The following VWA7 variants were observed in gnomAD, a reference collection of about 807,000 sequenced individuals.
The protein encoded by VWA7 is von Willebrand factor A domain-containing protein 7.
In VWA7, 66 loss-of-function variants were observed where a neutral mutation model predicts 83.1. That is an observed-to-expected ratio of 0.79 (90% CI 0.65 to 0.98). VWA7 has a LOEUF of 0.98. Ranked by LOEUF, VWA7 falls within the 50% of genes least tolerant of loss-of-function variation. VWA7 has a pLI of 0.00. For missense variants in VWA7, 1,080 were observed against 1,160.2 expected (o/e 0.93, Z 1.00); for synonymous variants, 424 against 488.5 (o/e 0.87, Z 1.74).
chr6:31,769,269 C>T lies in VWA7; in HGVS notation c.1318-66G>A, dbSNP rs1422435307. 4.5e-6 allele frequency: 7 copies of T among 1,541,994 alleles called. No individual in the cohort carries two copies. The highest frequency in any genetic ancestry group is 1.8e-5 in the Admixed American group (1 of 55,072). On this transcript the variant is annotated intron_variant, in intron 9 of 16. Transcript: ENST00000375688. This position sits in a 1 kb window ranked among gnomAD's most constrained non-coding sequence, Gnocchi z 4.5. ...GCCATCCACTATTATGAATGAGAAT[C>T]CCTGTGCTCAAGCTTTCTCCAGAGC...
chr6:31,766,214 C>T lies in VWA7; in HGVS notation c.2324+31G>A. The T allele has an allele frequency of 6.2e-7, 1 of 1,608,316 alleles. No homozygotes were observed. Among genetic ancestry groups the T allele is most frequent in the South Asian group, 1.1e-5 (1 of 90,672 alleles). On this transcript the variant is annotated intron_variant, in intron 15 of 16. Transcript: ENST00000375688. The surrounding 1 kb of genome is among the most constrained non-coding windows in gnomAD (Gnocchi z 4.9). Reference sequence around the variant, plus strand: ...GATAAGCATTGGCCGGGCAAGATGCCAGAGGGAGCTGGAGGGTTCATGAGC... The same window carrying T: ...GATAAGCATTGGCCGGGCAAGATGCTAGAGGGAGCTGGAGGGTTCATGAGC...
Position 31,765,687 on chromosome 6 carries a change from A to G in VWA7, c.2583T>C (p.Thr861=), listed in dbSNP as rs1168239332. The G allele has an allele frequency of 6.2e-7, 1 of 1,602,096 alleles. No homozygotes were observed. The highest frequency in any genetic ancestry group is 8.5e-7 in the Non-Finnish European group (1 of 1,174,622). ...CCAGCCCTGCCCCAGCCCTGCCTTG[A>G]GTCACCAATGTGAAGGGGGAAAAGG... ...TPAFSPFTLV[T]QGRAGAGLAA... The change falls in exon 17 of 17, where the codon ACT becomes ACC. Residue 861 remains threonine (T), a synonymous_variant. Transcript: ENST00000375688.
rs1243322462 is a variant in VWA7, at chr6:31,766,325, G to A, written c.2244C>T (p.Ile748=). 2.5e-6 allele frequency: 4 copies of A among 1,611,026 alleles called. No homozygotes were observed. Among genetic ancestry groups the A allele is most frequent in the Non-Finnish European group, 1.7e-6 (2 of 1,179,324 alleles). ...GATCCTGAGGGCCCGAGAAGCTGGCGATGCGGAGACTGAGCGGGACTTTGC... is the reference window on the plus strand; with the variant it reads ...GATCCTGAGGGCCCGAGAAGCTGGCAATGCGGAGACTGAGCGGGACTTTGC... ...PGSKVPLSLR[I]ASFSGPQDLD... The change falls in exon 15 of 17, where the codon ATC becomes ATT. Residue 748 remains isoleucine, a synonymous_variant. Coordinates refer to ENST00000375688, the MANE Select transcript of VWA7 (RefSeq NM_025258.3). This position sits in a 1 kb window ranked among gnomAD's most constrained non-coding sequence, Gnocchi z 4.9.
chr6:31,766,515 C>T lies in VWA7; in HGVS notation c.2132G>A (p.Arg711His), dbSNP rs963243644. The T allele has an allele frequency of 3.1e-6, 5 of 1,607,110 alleles. No individual in the cohort carries two copies. The highest frequency in any genetic ancestry group is 4.3e-6 in the Non-Finnish European group (5 of 1,176,346). ...AGGCTGAGGGGCAGCCCTGTGCAGG[C>T]GCCGCCCCGCTGCGTCCTGGCCAAT... ...ELIGQDAAGR[R>H]LHRAAPQPST... The change falls in exon 14 of 17, where the codon CGC becomes CAC. Residue 711 changes from arginine to histidine, a missense_variant. Arg to His is a conservative substitution (Grantham distance 29). Transcript: ENST00000375688. The surrounding 1 kb of genome is among the most constrained non-coding windows in gnomAD (Gnocchi z 4.9).
chr6:31,769,152 G>T lies in VWA7; in HGVS notation c.1369C>A (p.Arg457Ser), dbSNP rs1192010222. The T allele has an allele frequency of 1.2e-6, 2 of 1,612,964 alleles. No individual in the cohort carries two copies. Among genetic ancestry groups the T allele is most frequent in the African/African-American group, 2.7e-5 (2 of 74,912 alleles). ...DTSRVQGRAR[R>S]EILSPLRFEP... ...AAACGCAGAGGGGACAAGATCTCAC[G>T]CCGAGCTCGACCCTGAACCCTTGAT... The change falls in exon 10 of 17, where the codon CGT (arginine) becomes AGT (serine). Residue 457 changes from arginine to serine, a missense_variant. Transcript: ENST00000375688. The surrounding 1 kb of genome is among the most constrained non-coding windows in gnomAD (Gnocchi z 4.5).
chr6:31,776,784 G>A lies in VWA7; in HGVS notation c.-5C>T, dbSNP rs757139970. On this transcript the variant is annotated 5_prime_UTR_variant, in exon 2 of 17. An upstream open reading frame in the 5' UTR gains an earlier in-frame stop. Coordinates refer to ENST00000375688, the MANE Select transcript of VWA7 (RefSeq NM_025258.3). The surrounding 1 kb of genome is among the most constrained non-coding windows in gnomAD (Gnocchi z 6.2). ...GGGGACCTCCGTGGGGAGCATGGCT[G>A]AGACATGGACCTGGGAGACAGAAGG... 1.6e-5 allele frequency: 23 copies of A among 1,401,938 alleles called. No individual in the cohort carries two copies. The African/African-American group carries it at 3.0e-4, about 18-fold the overall frequency. The allele number at this position is 1,401,938 out of a possible 1,614,324, so 86.8% of individuals were successfully genotyped here.
chr6:31,774,787 C>T (rs950565799), intron 4 of VWA7, among the ~76,000 whole-genome samples, 161 bp from the exon 5 acceptor site: 3 of 152,006 alleles, frequency 2.0e-5, no homozygotes, highest in Non-Finnish European at 2.9e-5. Flanking sequence ...ATCATGGGCC[C>T]GCAGTGAGCC....
In VWA7 at chr6:31,774,738, A is replaced by C. The variant is rs1430902143; in HGVS notation, c.611-112T>G. 1.6e-5 allele frequency: 13 copies of C among 817,374 alleles called. No homozygotes were observed. In the South Asian group the frequency reaches 1.6e-4, roughly 10 times the overall value. 50.6% of individuals were successfully genotyped at this position (817,374 alleles called of 1,614,324 possible). On this transcript the variant is annotated intron_variant, in intron 4 of 16. Transcript: ENST00000375688. ...CCCAGCTGGGATGAGGCGAACACCC[A>C]GAAGTTCCCTAGCAAAGCTTTCTGA...
chr6:31,766,189 G>T lies in VWA7; in HGVS notation c.2324+56C>A. On this transcript the variant is annotated intron_variant, in intron 15 of 16. Transcript: ENST00000375688. The surrounding 1 kb of genome is among the most constrained non-coding windows in gnomAD (Gnocchi z 4.9). ...GGAGGGGGACAGGGGCAGGGCTTGGGATAAGCATTGGCCGGGCAAGATGCC... is the reference window on the plus strand; with the variant it reads ...GGAGGGGGACAGGGGCAGGGCTTGGTATAAGCATTGGCCGGGCAAGATGCC... 6.2e-7 allele frequency: 1 copy of T among 1,602,890 alleles called. No homozygotes were observed. The highest frequency in any genetic ancestry group is 8.5e-7 in the Non-Finnish European group (1 of 1,174,264).
rs775304330 is a variant in VWA7 at position 31,773,841 on chromosome 6, G to A, written c.722-404C>T. On this transcript the variant is annotated intron_variant, in intron 5 of 16. Coordinates refer to ENST00000375688, the MANE Select transcript of VWA7 (RefSeq NM_025258.3). This position sits in a 1 kb window ranked among gnomAD's most constrained non-coding sequence, Gnocchi z 5.3. ...CAGCCTGGGTGGCAGAGCAAGACTC[G>A]GTCTCAAAAAATAAATAAATAAATA... 1.3e-5 allele frequency among the ~76,000 whole-genome samples: 2 copies of A among 148,872 alleles called. No homozygotes were observed. The highest frequency in any genetic ancestry group is 5.0e-5 in the African/African-American group (2 of 40,164).
chr6:31,777,253 G>C lies in VWA7; in HGVS notation c.-160C>G. On this transcript the variant is annotated 5_prime_UTR_variant, in exon 1 of 17. Coordinates refer to ENST00000375688, the MANE Select transcript of VWA7 (RefSeq NM_025258.3). The surrounding 1 kb of genome is among the most constrained non-coding windows in gnomAD (Gnocchi z 5.8). ...AGGACAGGCAACCCCTGGCCCTTTCGCTCCTGCCTGCCCAAAGCCACAGGC... is the reference window on the plus strand; with the variant it reads ...AGGACAGGCAACCCCTGGCCCTTTCCCTCCTGCCTGCCCAAAGCCACAGGC... 1 of 459,226 alleles carries C rather than the reference G, an allele frequency of 2.2e-6. No individual in the cohort carries two copies. Among genetic ancestry groups the C allele is most frequent in the Non-Finnish European group, 3.9e-6 (1 of 255,180 alleles). 28.4% of individuals were successfully genotyped at this position (459,226 alleles called of 1,614,324 possible).
Position 31,776,350 on chromosome 6 carries a change from C to T in VWA7, c.235-108G>A. ...AAGGCTGGGTATGAGGGTCCTGAGC[C>T]CCACAAAGGAGGGACAGTCCCGGAC... On this transcript the variant is annotated intron_variant, in intron 2 of 16. Coordinates refer to ENST00000375688, the MANE Select transcript of VWA7 (RefSeq NM_025258.3). This position sits in a 1 kb window ranked among gnomAD's most constrained non-coding sequence, Gnocchi z 6.2. 6.8e-7 allele frequency: 1 copy of T among 1,469,632 alleles called. No individual in the cohort carries two copies. Among genetic ancestry groups the T allele is most frequent in the South Asian group, 1.3e-5 (1 of 76,536 alleles). 91.0% of individuals were successfully genotyped at this position (1,469,632 alleles called of 1,614,324 possible).
chr6:31,776,707 G>C lies in VWA7; in HGVS notation c.73C>G (p.Pro25Ala), dbSNP rs1263960988. 4 of 1,505,930 alleles carry C rather than the reference G, an allele frequency of 2.7e-6. No individual in the cohort carries two copies. Among genetic ancestry groups the C allele is most frequent in the Middle Eastern group, 3.5e-4 (2 of 5,652 alleles). 93.3% of individuals were successfully genotyped at this position (1,505,930 alleles called of 1,614,324 possible). A position where few individuals can be genotyped will look rare whatever the true frequency, so the allele number is the denominator to read the frequency against. The change falls in exon 2 of 17, where the codon CCC becomes GCC. Residue 25 changes from proline to alanine, a missense_variant. By Grantham distance (27) the Pro-to-Ala change is conservative (BLOSUM62 -1). Transcript: ENST00000375688. This position sits in a 1 kb window ranked among gnomAD's most constrained non-coding sequence, Gnocchi z 6.2. ...ALLLLQLLLP[P>A]TSAFFPNIWS... ...ATGTTGGGGAAGAAGGCAGATGTGGGGGGCAGCAACAGCTGCAGCAGAAGC... is the reference window on the plus strand; with the variant it reads ...ATGTTGGGGAAGAAGGCAGATGTGGCGGGCAGCAACAGCTGCAGCAGAAGC...
Position 31,776,754 on chromosome 6 carries a change from G to T in VWA7, c.26C>A (p.Ser9Tyr), listed in dbSNP as rs1211890525. The T allele has an allele frequency of 2.8e-6, 4 of 1,451,780 alleles. No individual in the cohort carries two copies. The highest frequency in any genetic ancestry group is 1.4e-5 in the African/African-American group (1 of 69,720). The allele number at this position is 1,451,780 out of a possible 1,614,324, so 89.9% of individuals were successfully genotyped here. A position where few individuals can be genotyped will look rare whatever the true frequency, so the allele number is the denominator to read the frequency against. The change falls in exon 2 of 17, where the codon TCC becomes TAC. Residue 9 changes from serine to tyrosine, a missense_variant. By Grantham distance (144) the Ser-to-Tyr change is moderately radical. Transcript: ENST00000375688. The surrounding 1 kb of genome is among the most constrained non-coding windows in gnomAD (Gnocchi z 6.2). MLPTEVPQSHPGPSALLLL... is the reference protein window; with the variant it reads MLPTEVPQYHPGPSALLLL... ...AAGCAACGCTGAGGGGCCCGGGTGGGATTGGGGGACCTCCGTGGGGAGCAT... is the reference window on the plus strand; with the variant it reads ...AAGCAACGCTGAGGGGCCCGGGTGGTATTGGGGGACCTCCGTGGGGAGCAT...
rs1314705009 is a variant in VWA7 at position 31,766,609 on chromosome 6, G to A, written c.2038C>T (p.Arg680Ter). The change falls in exon 14 of 17, where the codon CGA (arginine) becomes TGA (stop). Residue 680 changes from arginine to a stop codon, truncating the protein, a stop_gained. Transcript: ENST00000375688. LOFTEE classifies it high-confidence loss of function. The surrounding 1 kb of genome is among the most constrained non-coding windows in gnomAD (Gnocchi z 4.9). Reference protein sequence around the residue: ...VPLEPVGPPERGLLAASLSPT... With the variant: ...VPLEPVGPPE Reference sequence around the variant, plus strand: ...GACAGCGAGGCTGCGAGGAGACCTCGCTCCGGAGGTCCCACGGGCTCCAAG... The same window carrying A: ...GACAGCGAGGCTGCGAGGAGACCTCACTCCGGAGGTCCCACGGGCTCCAAG... 5 of 1,613,030 alleles carry A rather than the reference G, an allele frequency of 3.1e-6. No homozygotes were observed. The highest frequency in any genetic ancestry group is 2.2e-5 in the East Asian group (1 of 44,880).
rs377711074 is a variant in VWA7, at chr6:31,769,654, T to C, written c.1317+21A>G. ...ACATCCCTGGGAGGCTAACACTGGGTCTCCCACTAGCTCTGCTCACCCGGC... is the reference window on the plus strand; with the variant it reads ...ACATCCCTGGGAGGCTAACACTGGGCCTCCCACTAGCTCTGCTCACCCGGC... On this transcript the variant is annotated intron_variant, in intron 9 of 16. Transcript: ENST00000375688. This position sits in a 1 kb window ranked among gnomAD's most constrained non-coding sequence, Gnocchi z 4.5. 60 of 1,592,666 alleles carry C rather than the reference T, an allele frequency of 3.8e-5. No homozygotes were observed. The African/African-American group carries it at 6.6e-4, about 17-fold the overall frequency.
Position 31,773,074 on chromosome 6 carries a change from T to C in VWA7, c.967A>G (p.Thr323Ala), listed in dbSNP as rs1190837137. The C allele has an allele frequency of 6.2e-7, 1 of 1,612,402 alleles. No homozygotes were observed. Among genetic ancestry groups the C allele is most frequent in the Non-Finnish European group, 8.5e-7 (1 of 1,179,762 alleles). Reference protein sequence around the residue: ...ASSLSFVLDTTGSMGEEINAA... With the variant: ...ASSLSFVLDTAGSMGEEINAA... ...TTGATCTCCTCACCCATGCTGCCCG[T>C]GGTGTCCAGGACAAAGCTCAGGCTG... Residue 323 changes from threonine to alanine, a missense_variant, in exon 7 of 17, where the codon ACG (threonine) becomes GCG (alanine). Thr to Ala is a moderately conservative substitution (Grantham distance 58). Coordinates refer to ENST00000375688, the MANE Select transcript of VWA7 (RefSeq NM_025258.3). This position sits in a 1 kb window ranked among gnomAD's most constrained non-coding sequence, Gnocchi z 5.3.
chr6:31,772,160 A>T (rs1175838891), intron 7 of VWA7, among the ~76,000 whole-genome samples: 1 of 149,604 alleles, frequency 6.7e-6, no homozygotes, highest in Non-Finnish European at 1.5e-5. Context: ...TTTTTTTTAG[A>T]GACAGGGTCT....
intron 16 of VWA7, 56 bp from the exon 17 acceptor site, chr6:31,765,826 C>A: frequency 6.2e-7 from 1 of 1,600,044 alleles, no homozygotes; most frequent in Non-Finnish European, 8.5e-7. Flanking sequence ...TCAAATTAAA[C>A]CTACACCACC....
Sources: allele counts gnomAD v4.1 joint callset (sites outside exome capture counted in the v4.1 genomes callset), GRCh38; gene constraint gnomAD v4.1.1; non-coding constraint Gnocchi (gnomAD v3.1); transcripts MANE v1.5; gene names NCBI Gene and HGNC (gene_info 2026-07-23, HGNC 2026-07-21).